ZMIZ1: variants seen among roughly 807,000 people sequenced by gnomAD.
The protein encoded by ZMIZ1 is zinc finger MIZ domain-containing protein 1.
A neutral mutation model predicts 113.9 loss-of-function variants in ZMIZ1; 17 were observed. That is an observed-to-expected ratio of 0.15 (90% CI 0.10 to 0.22). The LOEUF is 0.22. ZMIZ1 is among the 10% of genes least tolerant of loss of function. ZMIZ1 has a pLI of 1.00. For missense variants in ZMIZ1, 1,059 were observed against 1,477.8 expected, an observed-to-expected ratio of 0.72 and a Z score of 4.65; for synonymous variants, 607 against 603.1, an observed-to-expected ratio of 1.01 and a Z score of -0.09.
intron 1 of ZMIZ1, among the ~76,000 whole-genome samples, chr10:79,100,746 A>G (rs1843337389): frequency 6.6e-6 from 1 of 152,164 alleles, no homozygotes; most frequent in African/African-American, 2.4e-5. Flanking sequence ...GTATGGGCCA[A>G]ACAGTGCTGC....
In ZMIZ1 at chr10:79,249,368, C is replaced by G. The variant is rs1004507207; in HGVS notation, c.281-27813C>G. Among the ~76,000 whole-genome samples, 148 of 152,362 alleles carry G rather than the reference C, an allele frequency of 9.7e-4. 1 individual carries two copies. Among genetic ancestry groups the G allele is most frequent in the African/African-American group, 3.4e-3 (142 of 41,588 alleles). ...GACTTGAAGGACAGGCGGTTCGTGA[C>G]TTGCATCCACGCTGGGTGCTGCGTA... On this transcript the variant is annotated intron_variant, in intron 7 of 24. Transcript: ENST00000334512.
chr10:79,313,915 G>T lies in ZMIZ1; in HGVS notation c.*1166G>T. 1 of 404,088 alleles carries T rather than the reference G, an allele frequency of 2.5e-6. No individual in the cohort carries two copies. The allele number at this position is 404,088 out of a possible 1,614,324, so 25.0% of individuals were successfully genotyped here. On this transcript the variant is annotated 3_prime_UTR_variant, in exon 25 of 25. Transcript: ENST00000334512. ...ACCAGAGCCCAGGGCAATGGTGTCT[G>T]TCCAGCCCCTCCCTCTGTCCCTGTG...
chr10:79,288,514 A>G (rs1853241022), intron 8 of ZMIZ1, among the ~76,000 whole-genome samples: 1 of 150,808 alleles, frequency 6.6e-6, no homozygotes, highest in Non-Finnish European at 1.5e-5. Flanking sequence ...CCCTCCCCCA[A>G]CACACATACG....
intron 3 of ZMIZ1, among the ~76,000 whole-genome samples, chr10:79,157,991 G>A (rs1346040784): frequency 5.3e-5 from 8 of 152,172 alleles, no homozygotes; most frequent in East Asian, 1.9e-4. Flanking sequence ...TCAGTGTAGC[G>A]GGAGCTGGTT....
intron 1 of ZMIZ1, among the ~76,000 whole-genome samples, chr10:79,114,660 A>AC (rs1564658689): frequency 6.6e-6 from 1 of 151,560 alleles, no homozygotes; most frequent in Non-Finnish European, 1.5e-5. Flanking sequence ...AGCTGTCAGC[A>AC]CCCCCCTCCA....
intron 1 of ZMIZ1, among the ~76,000 whole-genome samples, chr10:79,113,889 C>T (rs1399596972): frequency 6.6e-6 from 1 of 152,078 alleles, no homozygotes; most frequent in Non-Finnish European, 1.5e-5. Context: ...CTTTGTGGGT[C>T]CTACAGGCCT....
intron 7 of ZMIZ1, among the ~76,000 whole-genome samples, chr10:79,254,933 A>G (rs1296557258): frequency 6.6e-6 from 1 of 152,216 alleles, no homozygotes; most frequent in African/African-American, 2.4e-5. Context: ...TTGAAGAAAC[A>G]AACCTCTTGC....
intron 7 of ZMIZ1, among the ~76,000 whole-genome samples, chr10:79,276,947 T>C (rs1222590757): frequency 6.6e-6 from 1 of 152,204 alleles, no homozygotes. Context: ...CGGGCCATTC[T>C]GACCCCCTCT....
chr10:79,311,023 A>T lies in ZMIZ1; in HGVS notation c.2935A>T (p.Ser979Cys), dbSNP rs202180044. Residue 979 changes from serine (S) to cysteine (C), a missense_variant, in exon 24 of 25, where the codon AGT becomes TGT. By Grantham distance (112) the Ser-to-Cys change is moderately radical (BLOSUM62 -1). This residue lies in a region of ZMIZ1 where 225 missense variants were observed against 276.0 expected (regional missense o/e 0.82). Coordinates refer to ENST00000334512, the MANE Select transcript of ZMIZ1 (RefSeq NM_020338.4). ...SSQSGPPLHH[S>C]GAPPPPPSQP... ...CCAGTCAGGGCCTCCATTACATCAC[A>T]GTGGGGCTCCTCCTCCTCCTCCTTC... 1,018 of 1,613,608 alleles carry T rather than the reference A, an allele frequency of 6.3e-4. No homozygotes were observed. The highest frequency in any genetic ancestry group is 1.8e-3 in the Admixed American group (107 of 59,992).
intron 4 of ZMIZ1, among the ~76,000 whole-genome samples, chr10:79,187,001 C>A (rs1470343522): frequency 6.6e-6 from 1 of 152,218 alleles, no homozygotes; most frequent in Non-Finnish European, 1.5e-5. Context: ...TGGGGTGATC[C>A]CCAGCCTGGC....
chr10:79,165,816 C>T lies in ZMIZ1; in HGVS notation c.-50+3683C>T, dbSNP rs879358661. On this transcript the variant is annotated intron_variant, in intron 4 of 24. Coordinates refer to ENST00000334512, the MANE Select transcript of ZMIZ1 (RefSeq NM_020338.4). ...ACCCTGAGCCTCTGGCCTGAAGTCT[C>T]TGGGTGGGCCCAACCAGCTCCCCCT... Among the ~76,000 whole-genome samples, 5 of 152,190 alleles carry T rather than the reference C, an allele frequency of 3.3e-5. 1 individual carries two copies. Among genetic ancestry groups the T allele is most frequent in the Admixed American group, 2.6e-4 (4 of 15,286 alleles).
chr10:79,133,300 C>G (rs1207145211), intron 2 of ZMIZ1, among the ~76,000 whole-genome samples: 1 of 152,218 alleles, frequency 6.6e-6, no homozygotes, highest in Non-Finnish European at 1.5e-5. Flanking sequence ...TGGGTTCCTG[C>G]CTCTGTACTC....
At chr10:79,142,977 C>T (rs552126336) in intron 3 of ZMIZ1, among the ~76,000 whole-genome samples, 27 of 152,368 alleles carry the variant, frequency 1.8e-4, no homozygotes, top group African/African-American at 6.3e-4. Context: ...AGAGCACCTG[C>T]TCCCAGTTAG....
intron 3 of ZMIZ1, 145 bp downstream of exon 3, chr10:79,139,922 T>C (rs1329124497): frequency 5.0e-6 from 2 of 397,886 alleles, no homozygotes; most frequent in Non-Finnish European, 8.9e-6. Flanking sequence ...TGGGCCTGGC[T>C]GCAGGGCCTC....
chr10:79,265,638 TC>T (rs1369342878), intron 7 of ZMIZ1, among the ~76,000 whole-genome samples: 1 of 151,574 alleles, frequency 6.6e-6, no homozygotes, highest in Non-Finnish European at 1.5e-5. Flanking sequence ...ACTGAGATTT[TC>T]CCCCAAGGAA....
At chr10:79,182,357 G>A (rs900512141) in intron 4 of ZMIZ1, among the ~76,000 whole-genome samples, 1 of 152,170 alleles carries the variant, frequency 6.6e-6, no homozygotes, top group Admixed American at 6.5e-5. Flanking sequence ...CCACCTCCAG[G>A]AGAAGGTGGG....
intron 1 of ZMIZ1, among the ~76,000 whole-genome samples, chr10:79,089,126 G>A (rs1033195288): frequency 6.6e-6 from 1 of 152,224 alleles, no homozygotes; most frequent in African/African-American, 2.4e-5. Flanking sequence ...CGCTGAGCAG[G>A]TACCTGGGCT....
chr10:79,123,209 A>G (rs1844373356), intron 2 of ZMIZ1, among the ~76,000 whole-genome samples: 1 of 152,148 alleles, frequency 6.6e-6, no homozygotes, highest in African/African-American at 2.4e-5. Flanking sequence ...TTCACAAAAG[A>G]CACTCAAAAC....
intron 1 of ZMIZ1, among the ~76,000 whole-genome samples, chr10:79,115,905 ACT>A (rs893048230): frequency 3.3e-5 from 5 of 152,036 alleles, no homozygotes; most frequent in African/African-American, 1.2e-4. Flanking sequence ...GCCGATGCCC[ACT>A]CTGTCTGGCA....
Sources: gnomAD v4.1 joint callset for allele counts (sites outside exome capture counted in the v4.1 genomes callset) on GRCh38, gnomAD v4.1.1 for gene constraint, gnomAD v4.1.1 regional missense constraint, MANE v1.5 for transcripts, NCBI Gene and HGNC (gene_info 2026-07-23, HGNC 2026-07-21) for gene names.